Variants in RHCE observed in about 807,000 individuals in gnomAD.
RHCE encodes the protein Rh blood group CcEe antigens.
RHCE carries 22 observed loss-of-function variants against 43.8 expected under a neutral mutation model. The observed-to-expected ratio is 0.50, with a 90% CI of 0.36 to 0.72. The LOEUF is 0.72. Ranked by LOEUF, RHCE falls within the 30% of genes least tolerant of loss-of-function variation. The pLI is 0.00. For missense variants in RHCE, 385 were observed against 525.4 expected, an observed-to-expected ratio of 0.73 and a Z score of 2.61; for synonymous variants, 156 against 210.7, an observed-to-expected ratio of 0.74 and a Z score of 2.25.
intron 5 of RHCE, among the ~76,000 whole-genome samples, chr1:25,390,185 T>G (rs623103): frequency 6.6e-6 from 1 of 152,130 alleles, no homozygotes; most frequent in African/African-American, 2.4e-5. Flanking sequence ...CACACACCAT[T>G]GTCTCTCTGT....
chr1:25,398,839 T>TC, intron 3 of RHCE: 1 of 1,132,018 alleles, frequency 8.8e-7, no homozygotes, highest in Non-Finnish European at 1.3e-6. Flanking sequence ...GACCGACCTA[T>TC]CCCAGAATGG....
chr1:25,389,605 C>T (rs1201293793), intron 5 of RHCE, among the ~76,000 whole-genome samples: 1 of 152,116 alleles, frequency 6.6e-6, no homozygotes, highest in East Asian at 1.9e-4. Flanking sequence ...GTACCTTCTT[C>T]ATAAGGTTAT....
upstream of RHCE, among the ~76,000 whole-genome samples, chr1:25,423,303 T>C (rs1366815321): frequency 6.6e-6 from 1 of 152,126 alleles, no homozygotes; most frequent in Non-Finnish European, 1.5e-5. Flanking sequence ...CTGGGCCCAG[T>C]ACAAGCTCTG....
chr1:25,414,354 G>C (rs1416951308), intron 1 of RHCE, among the ~76,000 whole-genome samples: 13 of 152,180 alleles, frequency 8.5e-5, no homozygotes, highest in East Asian at 3.9e-4. Context: ...TCTGAAGGCA[G>C]AACCAGCTTC....
intron 7 of RHCE, among the ~76,000 whole-genome samples, chr1:25,379,177 G>A (rs1645878597): frequency 6.6e-6 from 1 of 151,886 alleles, no homozygotes; most frequent in Non-Finnish European, 1.5e-5. Context: ...ACATGGCAGA[G>A]GGTATCACAT....
chr1:25,373,012 C>T (rs932960178), intron 8 of RHCE, among the ~76,000 whole-genome samples: 7 of 150,684 alleles, frequency 4.6e-5, no homozygotes, highest in Non-Finnish European at 1.0e-4. Flanking sequence ...TATAGGATTG[C>T]CCTGGCTTGA....
chr1:25,401,006 C>T (rs1476225814), intron 3 of RHCE, among the ~76,000 whole-genome samples: 1 of 152,192 alleles, frequency 6.6e-6, no homozygotes, highest in Non-Finnish European at 1.5e-5. Flanking sequence ...GCTCTGGTCT[C>T]CACCTGCTTC....
upstream of RHCE, among the ~76,000 whole-genome samples, chr1:25,424,550 G>C (rs776112453): frequency 1.3e-5 from 2 of 151,988 alleles, no homozygotes; most frequent in African/African-American, 2.4e-5. Context: ...ACCACACCTG[G>C]CTAGTTTTTG....
At chr1:25,393,093 G>A (rs550554525) in intron 3 of RHCE, among the ~76,000 whole-genome samples, 8 of 152,252 alleles carry the variant, frequency 5.3e-5, no homozygotes, top group African/African-American at 1.7e-4. Context: ...TCACATTTTA[G>A]TAATGCTTCA....
At chr1:25,393,057 T>C (rs1646430235) in intron 3 of RHCE, among the ~76,000 whole-genome samples, 1 of 152,202 alleles carries the variant, frequency 6.6e-6, no homozygotes, top group African/African-American at 2.4e-5. Context: ...AGATTCTAGA[T>C]ATATTCTAAT....
intron 7 of RHCE, among the ~76,000 whole-genome samples, chr1:25,378,158 GA>G (rs1235338433): frequency 6.6e-6 from 1 of 152,206 alleles, no homozygotes; most frequent in African/African-American, 2.4e-5. Context: ...CAAAAAGAAG[GA>G]AAACACCAAG....
At chr1:25,427,903 CTCAA>C (rs1557651990) in intron 2 of RHCE, among the ~76,000 whole-genome samples, 1 of 152,224 alleles carries the variant, frequency 6.6e-6, no homozygotes, top group Non-Finnish European at 1.5e-5. Context: ...GGGCTGGTGA[CTCAA>C]CCAAGGACAC....
At chr1:25,402,536 C>T in intron 3 of RHCE, 60 bp downstream of exon 3, 1 of 1,613,674 alleles carries the variant, frequency 6.2e-7, no homozygotes, top group South Asian at 1.1e-5. Flanking sequence ...CCGGAAGCCC[C>T]ACCAAATGGA....
chr1:25,423,331 T>G (rs2042781038), upstream of RHCE, among the ~76,000 whole-genome samples: 1 of 152,176 alleles, frequency 6.6e-6, no homozygotes, highest in Non-Finnish European at 1.5e-5. Flanking sequence ...GGCAGCCAAC[T>G]GCACCTACCT....
intron 5 of RHCE, among the ~76,000 whole-genome samples, chr1:25,389,465 G>C (rs1407992586): frequency 1.3e-5 from 2 of 152,080 alleles, no homozygotes; most frequent in Non-Finnish European, 2.9e-5. Flanking sequence ...TTAGAGACAG[G>C]GTCTTGCTAT....
At chr1:25,414,665 AT>A (rs1158253469) in intron 1 of RHCE, among the ~76,000 whole-genome samples, 1 of 152,192 alleles carries the variant, frequency 6.6e-6, no homozygotes, top group African/African-American at 2.4e-5. Flanking sequence ...ACTGAGTGGT[AT>A]CCACAGCACA....
intron 1 of RHCE, among the ~76,000 whole-genome samples, chr1:25,410,271 T>C (rs1647031510): frequency 6.6e-6 from 1 of 152,084 alleles, no homozygotes; most frequent in African/African-American, 2.4e-5. Flanking sequence ...CCCTCCCTCT[T>C]CTTATCAATA....
chr1:25,407,265 T>A (rs1646948774), intron 2 of RHCE, among the ~76,000 whole-genome samples: 1 of 122,772 alleles, frequency 8.1e-6, no homozygotes, highest in Admixed American at 8.9e-5. Context: ...GTTTTTTTCC[T>A]CTAGGGCCAG....
intron 4 of RHCE, among the ~76,000 whole-genome samples, chr1:25,391,519 G>A (rs1646363577): frequency 6.6e-6 from 1 of 151,378 alleles, no homozygotes; most frequent in South Asian, 2.1e-4. Flanking sequence ...TAATGAATGT[G>A]CTGCTTTAAC....
Sources: allele counts gnomAD v4.1 joint callset (sites outside exome capture counted in the v4.1 genomes callset), GRCh38; gene constraint gnomAD v4.1.1; transcripts MANE v1.5; gene names NCBI Gene and HGNC (gene_info 2026-07-23, HGNC 2026-07-21).